The following RYR2 variants were observed in gnomAD, a reference collection of about 807,000 sequenced individuals.
RYR2 encodes ryanodine receptor 2, also known as cardiac muscle ryanodine receptor-calcium release channel.
A neutral mutation model predicts 601.1 loss-of-function variants in RYR2; 227 were observed. That is an observed-to-expected ratio of 0.38 (90% confidence interval 0.34 to 0.42). RYR2 has a LOEUF of 0.42. Ranked by LOEUF, RYR2 falls within the 10% of genes least tolerant of loss-of-function variation. The pLI is 1.00. For synonymous variants in RYR2, 2,223 were observed against 2,175.1 expected (o/e 1.02, Z -0.61); for missense variants, 4,646 against 6,156.5 (o/e 0.75, Z 8.21).
At chr1:237,815,750 G>A (rs182119548) in intron 100 of RYR2, among the ~76,000 whole-genome samples, 1 of 152,286 alleles carries the variant, frequency 6.6e-6, no homozygotes, top group East Asian at 1.9e-4. Flanking sequence ...AACATTACAT[G>A]TCTAGAAACT....
intron 1 of RYR2, among the ~76,000 whole-genome samples, chr1:237,146,383 G>C (rs12562895): frequency 0.018 from 2,793 of 152,260 alleles, 76 homozygotes; most frequent in South Asian, 0.13. Context: ...TTTGTGTCTT[G>C]GAGAAAGTTG....
intron 1 of RYR2, among the ~76,000 whole-genome samples, chr1:237,108,894 C>CA (rs1304496149): frequency 6.6e-6 from 1 of 152,266 alleles, no homozygotes; most frequent in East Asian, 1.9e-4. Flanking sequence ...CTCCTAAGAG[C>CA]AGCTGGGTGT....
intron 14 of RYR2, among the ~76,000 whole-genome samples, chr1:237,445,798 C>T (rs184043513): frequency 1.3e-5 from 2 of 151,930 alleles, no homozygotes; most frequent in East Asian, 3.9e-4. Flanking sequence ...TTGTACTGAA[C>T]CTATTTAGTT....
intron 29 of RYR2, among the ~76,000 whole-genome samples, chr1:237,577,810 ATTC>A (rs1673435377): frequency 6.6e-6 from 1 of 152,078 alleles, no homozygotes; most frequent in African/African-American, 2.4e-5. Context: ...GTATTTTGAA[ATTC>A]TTCTTTTGAG....
chr1:237,659,628 C>T (rs1053812364), intron 54 of RYR2, among the ~76,000 whole-genome samples: 2 of 152,154 alleles, frequency 1.3e-5, no homozygotes, highest in African/African-American at 4.8e-5. Context: ...ATCCCTCTAG[C>T]CTCCTCCTGT....
At chr1:237,578,694 CCCA>C (rs1673544685) in intron 29 of RYR2, among the ~76,000 whole-genome samples, 1 of 77,062 alleles carries the variant, frequency 1.3e-5, no homozygotes, top group African/African-American at 5.2e-5. Flanking sequence ...AGGTCTCTCA[CCCA>C]TTCTGCAGTT....
chr1:237,536,753 G>GCT (rs1668671630), intron 25 of RYR2, among the ~76,000 whole-genome samples: 1 of 140,828 alleles, frequency 7.1e-6, no homozygotes, highest in Admixed American at 7.5e-5. Context: ...GGGCATGGTG[G>GCT]CAGGCGCCTG....
intron 38 of RYR2, among the ~76,000 whole-genome samples, chr1:237,618,888 C>A (rs1678780558): frequency 1.3e-5 from 2 of 152,244 alleles, no homozygotes; most frequent in South Asian, 4.1e-4. Context: ...ACACTCTTAC[C>A]TTTCTAGCAA....
chr1:237,231,761 CTG>C (rs1685024459), intron 1 of RYR2, among the ~76,000 whole-genome samples: 1 of 152,174 alleles, frequency 6.6e-6, no homozygotes, highest in African/African-American at 2.4e-5. Flanking sequence ...GTTTATAACA[CTG>C]TGGTCATGGC....
intron 56 of RYR2, among the ~76,000 whole-genome samples, chr1:237,661,519 A>C (rs928111154): frequency 6.6e-6 from 1 of 152,116 alleles, no homozygotes; most frequent in African/African-American, 2.4e-5. Context: ...GAAGAAGAAG[A>C]AGTAACCAGT....
At chr1:237,044,218 A>G (rs921523766) in intron 1 of RYR2, among the ~76,000 whole-genome samples, 2 of 151,980 alleles carry the variant, frequency 1.3e-5, no homozygotes, top group African/African-American at 4.8e-5. Flanking sequence ...ACACCACATT[A>G]GATTTTTCTC....
In RYR2 at chr1:237,563,475, C is replaced by CT. The variant is rs11328026; in HGVS notation, c.3215-3082dup. 4.1e-3 allele frequency among the ~76,000 whole-genome samples: 596 copies of CT among 147,028 alleles called. 2 individuals are homozygous for CT. The highest frequency in any genetic ancestry group is 0.014 in the African/African-American group (543 of 40,044). On this transcript the variant is annotated intron_variant, in intron 27 of 104. Coordinates refer to ENST00000366574, the MANE Select transcript of RYR2 (RefSeq NM_001035.3). ...AGATTAAAAAAGAAAAAGAAGAGTC[C>CT]TTTTTTTTTTGTGAAGTCCCTTGCA... is the stretch of plus-strand genomic sequence containing the variant.
chr1:237,684,177 C>G (rs1215263719), intron 62 of RYR2, among the ~76,000 whole-genome samples: 1 of 151,846 alleles, frequency 6.6e-6, no homozygotes, highest in Non-Finnish European at 1.5e-5. Flanking sequence ...CTCAGGTGAT[C>G]CGCCCACTTC....
chr1:237,048,679 A>T (rs1288735562), intron 1 of RYR2, among the ~76,000 whole-genome samples: 1 of 152,178 alleles, frequency 6.6e-6, no homozygotes, highest in Non-Finnish European at 1.5e-5. Context: ...TAATTAATAA[A>T]ATGTATGGAA....
At chr1:237,144,310 A>G (rs1347139363) in intron 1 of RYR2, among the ~76,000 whole-genome samples, 3 of 152,298 alleles carry the variant, frequency 2.0e-5, no homozygotes, top group African/African-American at 4.8e-5. Context: ...TTTGTTACAC[A>G]TAGTTTATGC....
chr1:237,178,493 T>G (rs1678334575), intron 1 of RYR2, among the ~76,000 whole-genome samples: 2 of 150,974 alleles, frequency 1.3e-5, no homozygotes, highest in Non-Finnish European at 1.5e-5. Flanking sequence ...CTCTGTCTTC[T>G]AAGGTCATAG....
intron 48 of RYR2, among the ~76,000 whole-genome samples, chr1:237,644,294 G>A (rs34222875): frequency 0.15 from 22,356 of 151,530 alleles, 2,118 homozygotes; most frequent in East Asian, 0.45. Flanking sequence ...GTGCAGTGGC[G>A]CGATCTTGGC....
intron 1 of RYR2, among the ~76,000 whole-genome samples, chr1:237,154,830 A>T (rs1164762444): frequency 1.3e-5 from 2 of 152,172 alleles, no homozygotes; most frequent in African/African-American, 4.8e-5. Flanking sequence ...ATGAAGTAGG[A>T]TTTTTAAAAC....
At chr1:237,565,661 G>A (rs1334104089) in intron 27 of RYR2, among the ~76,000 whole-genome samples, 10 of 152,174 alleles carry the variant, frequency 6.6e-5, no homozygotes, top group Non-Finnish European at 2.9e-5. Flanking sequence ...TTAGTTGTGC[G>A]ATGTTGGTCA....
Sources: gnomAD v4.1 joint callset for allele counts (sites outside exome capture counted in the v4.1 genomes callset) on GRCh38, gnomAD v4.1.1 for gene constraint, MANE v1.5 for transcripts, NCBI Gene and HGNC (gene_info 2026-07-23, HGNC 2026-07-21) for gene names.